CYP4A22: variants seen among roughly 807,000 people sequenced by gnomAD.
The protein encoded by CYP4A22 is cytochrome P450 family 4 subfamily A member 22.
A neutral mutation model predicts 56.2 loss-of-function variants in CYP4A22; 46 were observed. The ratio of observed to expected loss-of-function variants is 0.82; its 90% CI spans 0.65 to 1.05. The LOEUF (loss-of-function observed/expected upper bound fraction) is 1.05. Among genes scored for constraint, CYP4A22 ranks in the 50% least tolerant of loss-of-function variants. The probability of loss-of-function intolerance (pLI) is 0.00; values close to 1 mark genes in which losing one functional copy is unlikely to be tolerated. For synonymous variants in CYP4A22, 193 were observed against 251.1 expected (o/e 0.77, Z 2.19); for missense variants, 541 against 645.9 (o/e 0.84, Z 1.76).
At chr1:47,147,381 T>C in intron 11 of CYP4A22, 17 of 985,110 alleles carry the variant, frequency 1.7e-5, no homozygotes, top group Non-Finnish European at 2.0e-5. Context: ...AATAACATCA[T>C]TCAAATATTA....
At chr1:47,146,019 T>C (rs1645072118) in intron 10 of CYP4A22, 58 bp from the exon 11 acceptor site, 14 of 1,614,108 alleles carry the variant, frequency 8.7e-6, no homozygotes, top group Admixed American at 1.7e-5. Context: ...TGTACCCTCA[T>C]GGGTGGCAAG....
intron 1 of CYP4A22, among the ~76,000 whole-genome samples, chr1:47,139,991 G>A (rs1412042238): frequency 3.9e-5 from 6 of 151,972 alleles, no homozygotes; most frequent in East Asian, 1.9e-4. Context: ...TGGCATCGGC[G>A]TTGGAGCTGA....
chr1:47,141,097 A>G (rs1186884557), intron 2 of CYP4A22, among the ~76,000 whole-genome samples, 176 bp downstream of exon 2: 1 of 152,220 alleles, frequency 6.6e-6, no homozygotes, highest in African/African-American at 2.4e-5. Context: ...CTGAATACTG[A>G]ATGTTTAAAA....
At position 47,140,880 on chromosome 1, in the gene CYP4A22, T is replaced by G; in HGVS notation, c.296T>G (p.Leu99Arg). ...TGGGGAGGCAAAGTTCGTGTCCAGC[T>G]CTATGACCCTGACTATATGAAGGTG... ...WIWGGKVRVQLYDPDYMKVIL... is the reference protein window; with the variant it reads ...WIWGGKVRVQRYDPDYMKVIL... The change falls in exon 2 of 12, where the codon CTC becomes CGC. Residue 99 changes from leucine (L) to arginine (R), a missense_variant. Around this residue, in one of 3 missense-constraint regions of CYP4A22, gnomAD observed 335 missense variants for 361.2 expected, o/e 0.93. Coordinates refer to ENST00000371891, the MANE Select transcript of CYP4A22 (RefSeq NM_001010969.4). The G allele has an allele frequency of 6.2e-7, 1 of 1,614,152 alleles. No individual in the cohort carries two copies. The highest frequency in any genetic ancestry group is 1.3e-5 in the African/African-American group (1 of 75,046).
chr1:47,145,084 A>G lies in CYP4A22; in HGVS notation c.1222+114A>G, dbSNP rs1569813153. ...TCTCTGGGTCTCCCTTTTGTTCTAA[A>G]AACATCAAAAACATACTTTGTATTT... On this transcript the variant is annotated intron_variant, in intron 9 of 11. Transcript: ENST00000371891. 2.7e-6 allele frequency: 4 copies of G among 1,457,796 alleles called. No homozygotes were observed. The East Asian group carries it at 9.5e-5, about 35-fold the overall frequency. The allele number at this position is 1,457,796 out of a possible 1,614,324, so 90.3% of individuals were successfully genotyped here. A position where few individuals can be genotyped will look rare whatever the true frequency, so the allele number is the denominator to read the frequency against.
At chr1:47,139,791 C>T (rs1278744793) in intron 1 of CYP4A22, among the ~76,000 whole-genome samples, 1 of 152,302 alleles carries the variant, frequency 6.6e-6, no homozygotes, top group East Asian at 1.9e-4. Flanking sequence ...GAGTTGGCTA[C>T]ATGGAACATC....
At position 47,148,662 on chromosome 1, in the gene CYP4A22, GC is replaced by G; in HGVS notation, c.1426del (p.Leu476SerfsTer21). On this transcript the variant is annotated frameshift_variant, in exon 12 of 12. Transcript: ENST00000371891. LOFTEE classifies it low-confidence loss of function (END_TRUNC). ...QLKVARALTLLRFELLPDPTR... is the reference protein window; with the variant it reads ...QLKVARALTLXRFELLPDPTR... ...TGAAGGTGGCCAGGGCCCTGACCCT[GC>G]TCCGCTTTGAGCTGCTGCCTGATCC... 6.2e-7 allele frequency: 1 copy of G among 1,614,058 alleles called. No individual in the cohort carries two copies. Among genetic ancestry groups the G allele is most frequent in the African/African-American group, 1.3e-5 (1 of 75,040 alleles).
chr1:47,141,247 T>G (rs1221716145), intron 2 of CYP4A22, among the ~76,000 whole-genome samples: 1 of 152,228 alleles, frequency 6.6e-6, no homozygotes, highest in Non-Finnish European at 1.5e-5. Flanking sequence ...CTCTAATTGT[T>G]GCCTGTCCTG....
At chr1:47,144,503 G>A (rs773021096) in intron 7 of CYP4A22, 40 bp downstream of exon 7, 1 of 1,613,990 alleles carries the variant, frequency 6.2e-7, no homozygotes, top group African/African-American at 1.3e-5. Flanking sequence ...TTGCCCAGAA[G>A]TACATAGCAA....
chr1:47,140,481 C>A (rs558162428), intron 1 of CYP4A22, among the ~76,000 whole-genome samples: 3 of 152,130 alleles, frequency 2.0e-5, no homozygotes, highest in African/African-American at 4.8e-5. Context: ...TCAAGTAATA[C>A]GAGTTATGCA....
In CYP4A22 at chr1:47,142,184, C is replaced by T. The variant is rs760443382; in HGVS notation, c.459C>T (p.Asp153=). ...RRMLTPAFHN[D]ILKPYVGLMA... Reference sequence around the variant, plus strand: ...TGCTGACCCCAGCCTTCCACAATGACATCCTGAAGCCATACGTGGGGCTCA... The same window carrying T: ...TGCTGACCCCAGCCTTCCACAATGATATCCTGAAGCCATACGTGGGGCTCA... The change falls in exon 4 of 12, where the codon GAC becomes GAT. Residue 153 remains aspartate (D), a synonymous_variant. Transcript: ENST00000371891. 1.9e-6 allele frequency: 3 copies of T among 1,613,746 alleles called. No homozygotes were observed. The East Asian group carries it at 6.7e-5, about 36-fold the overall frequency.
At chr1:47,143,707 C>T (rs1645039524) in intron 5 of CYP4A22, 55 bp from the exon 6 acceptor site, 1 of 1,539,874 alleles carries the variant, frequency 6.5e-7, no homozygotes, top group Non-Finnish European at 8.8e-7. Flanking sequence ...CCCCATTCTA[C>T]TTCCGGGTAA....
rs1163152118 is a variant in CYP4A22, at chr1:47,148,730, C to G, written c.1493C>G (p.Ser498Cys). 1.2e-6 allele frequency: 2 copies of G among 1,614,000 alleles called. No homozygotes were observed. Among genetic ancestry groups the G allele is most frequent in the Admixed American group, 3.3e-5 (2 of 60,014 alleles). Residue 498 changes from serine to cysteine, a missense_variant, in exon 12 of 12, where the codon TCC becomes TGC. Transcript: ENST00000371891. ...PIPMARLVLK[S>C]KNGIHLRLRR... ...CCCATGGCACGACTTGTGTTGAAATCCAAAAATGGAATCCACCTGCGTCTC... is the reference window on the plus strand; with the variant it reads ...CCCATGGCACGACTTGTGTTGAAATGCAAAAATGGAATCCACCTGCGTCTC...
intron 10 of CYP4A22, 37 bp from the exon 11 acceptor site, chr1:47,146,040 A>G (rs1645072277): frequency 6.2e-7 from 1 of 1,614,138 alleles, no homozygotes; most frequent in Non-Finnish European, 8.5e-7. Context: ...TAGGTGCTGG[A>G]TCCTTAACTA....
rs542452720 is a variant in CYP4A22, at chr1:47,149,137, G to A, written c.*340G>A. 1 of 209,594 alleles carries A rather than the reference G, an allele frequency of 4.8e-6. No individual in the cohort carries two copies. Among genetic ancestry groups the A allele is most frequent in the African/African-American group, 2.3e-5 (1 of 43,460 alleles). The allele number at this position is 209,594 out of a possible 1,614,324, so 13.0% of individuals were successfully genotyped here. A position where few individuals can be genotyped will look rare whatever the true frequency, so the allele number is the denominator to read the frequency against. ...TTGGAACACCAAGCTCTGTGCTGAA[G>A]GGTGGAAGGCTACCCTGACGCACCA... On this transcript the variant is annotated 3_prime_UTR_variant, in exon 12 of 12. Transcript: ENST00000371891.
Position 47,144,401 on chromosome 1 carries a change from G to A in CYP4A22, c.835G>A (p.Glu279Lys). Residue 279 changes from glutamate to lysine, a missense_variant, in exon 7 of 12, where the codon GAG becomes AAG. Physicochemically the swap from Glu to Lys is moderately conservative, Grantham distance 56. Around this residue, in one of 3 missense-constraint regions of CYP4A22, gnomAD observed 335 missense variants for 361.2 expected, o/e 0.93. Transcript: ENST00000371891. ...LRKAQLQKEGELEKIKRKRHL... is the reference protein window; with the variant it reads ...LRKAQLQKEGKLEKIKRKRHL... Reference sequence around the variant, plus strand: ...GAAGGCTCAACTACAGAAGGAGGGGGAGCTGGAGAAGATCAAGAGGAAGAG... The same window carrying A: ...GAAGGCTCAACTACAGAAGGAGGGGAAGCTGGAGAAGATCAAGAGGAAGAG... 4.3e-6 allele frequency: 7 copies of A among 1,614,000 alleles called. No homozygotes were observed. The South Asian group carries it at 7.7e-5, about 18-fold the overall frequency.
chr1:47,137,627 C>T lies in CYP4A22; in HGVS notation c.142C>T (p.Leu48Phe), dbSNP rs1485938745. The T allele has an allele frequency of 5.0e-6, 8 of 1,614,012 alleles. No individual in the cohort carries two copies. The East Asian group carries it at 1.6e-4, about 31-fold the overall frequency. The change falls in exon 1 of 12, where the codon CTC becomes TTC. Residue 48 changes from leucine to phenylalanine, a missense_variant. Physicochemically the swap from Leu to Phe is conservative, Grantham distance 22 (BLOSUM62 0). This residue lies in a region of CYP4A22 where 335 missense variants were observed against 361.2 expected (regional missense o/e 0.93). Coordinates refer to ENST00000371891, the MANE Select transcript of CYP4A22 (RefSeq NM_001010969.4). The stretch of plus-strand genomic sequence containing the variant: ...GCATAGGCAGTGGCTGCTCAAAGCC[C>T]TCCAGCAGTTCCCGTGCCCTCCCTC... ...YLHRQWLLKA[L>F]QQFPCPPSHW... is the part of the protein sequence containing the mutation.
intron 3 of CYP4A22, 132 bp from the exon 4 acceptor site, chr1:47,141,976 C>A: frequency 7.4e-7 from 1 of 1,342,510 alleles, no homozygotes; most frequent in Non-Finnish European, 1.0e-6. Context: ...CTGCATTTGC[C>A]CATGATGTGG....
Position 47,143,398 on chromosome 1 carries a change from G to A in CYP4A22, c.635+5G>A, listed in dbSNP as rs1159515618. ...GGGCAGCATCCAGGTGGACAGGTCA[G>A]TGACAACCCTCCAGCTGCAGGGCCC... On this transcript the variant is annotated splice_donor_5th_base_variant and intron_variant, in intron 5 of 11. Coordinates refer to ENST00000371891, the MANE Select transcript of CYP4A22 (RefSeq NM_001010969.4). 1.9e-6 allele frequency: 3 copies of A among 1,603,294 alleles called. No homozygotes were observed. The Admixed American group carries it at 5.2e-5, about 28-fold the overall frequency.
Sources: gnomAD v4.1 joint callset for allele counts (sites outside exome capture counted in the v4.1 genomes callset) on GRCh38, gnomAD v4.1.1 for gene constraint, gnomAD v4.1.1 regional missense constraint, MANE v1.5 for transcripts, NCBI Gene and HGNC (gene_info 2026-07-23, HGNC 2026-07-21) for gene names.